Variants in CADM2 observed in about 807,000 individuals in gnomAD.
CADM2 encodes immunoglobulin superfamily member 4D.
CADM2 carries 12 observed loss-of-function variants against 49.8 expected under a neutral mutation model. The ratio of observed to expected loss-of-function variants is 0.24; its 90% CI spans 0.15 to 0.39. The LOEUF is 0.39. CADM2 is among the 10% of genes least tolerant of loss of function. CADM2 has a pLI of 1.00. For synonymous variants in CADM2, 214 were observed against 175.4 expected (o/e 1.22, Z -1.74); for missense variants, 378 against 492.3 (o/e 0.77, Z 2.20).
chr3:85,151,313 G>C (rs2039916385), intron 1 of CADM2, among the ~76,000 whole-genome samples: 1 of 151,894 alleles, frequency 6.6e-6, no homozygotes, highest in Non-Finnish European at 1.5e-5. Context: ...CCTTCTGAAT[G>C]ATTGTGTACT....
intron 1 of CADM2, among the ~76,000 whole-genome samples, chr3:85,000,416 A>G (rs1480311849): frequency 6.6e-6 from 1 of 151,806 alleles, no homozygotes; most frequent in East Asian, 1.9e-4. Flanking sequence ...TTTTAAAGCT[A>G]TAGAGAGCAT....
intron 1 of CADM2, among the ~76,000 whole-genome samples, chr3:85,446,199 G>A (rs1046042630): frequency 9.2e-5 from 14 of 152,116 alleles, no homozygotes; most frequent in African/African-American, 3.4e-4. Flanking sequence ...AAACACAGAA[G>A]AGATTCAGTG....
At chr3:85,079,483 G>A (rs988068834) in intron 1 of CADM2, among the ~76,000 whole-genome samples, 1 of 151,692 alleles carries the variant, frequency 6.6e-6, no homozygotes, top group Non-Finnish European at 1.5e-5. Context: ...TTTTCATAGG[G>A]TTATTAACAA....
chr3:85,180,981 A>G (rs190455082), intron 1 of CADM2, among the ~76,000 whole-genome samples: 10 of 152,306 alleles, frequency 6.6e-5, no homozygotes, highest in Admixed American at 6.5e-4. Flanking sequence ...GGAATTGTTA[A>G]GAGGAAAAAC....
At chr3:85,772,008 CTTTTTTT>C (rs397938377) in intron 2 of CADM2, among the ~76,000 whole-genome samples, 53 of 112,222 alleles carry the variant, frequency 4.7e-4, no homozygotes, top group African/African-American at 1.2e-3. Context: ...TTCTTTCTTT[CTTTTTTT>C]TTTTTTTTTT....
At position 86,072,675 on chromosome 3, in the gene CADM2, A is replaced by G. The variant is rs1703349390; in HGVS notation, c.*5892A>G. The G allele has an allele frequency of 6.6e-6, 1 of 152,024 alleles. No homozygotes were observed. The allele number at this position is 152,024 out of a possible 1,614,324, so 9.4% of individuals were successfully genotyped here. A position where few individuals can be genotyped will look rare whatever the true frequency, so the allele number is the denominator to read the frequency against. On this transcript the variant is annotated 3_prime_UTR_variant, in exon 10 of 10. Coordinates refer to ENST00000383699, the MANE Select transcript of CADM2 (RefSeq NM_001167675.2). ...CTTCAGATGCTTTTTCGTGTACATGATACTAGTAGACACTTTTCTCTTTAT... is the reference window on the plus strand; with the variant it reads ...CTTCAGATGCTTTTTCGTGTACATGGTACTAGTAGACACTTTTCTCTTTAT...
At chr3:85,212,814 CTT>C (rs2041811737) in intron 1 of CADM2, among the ~76,000 whole-genome samples, 4 of 40,732 alleles carry the variant, frequency 9.8e-5, no homozygotes, top group Non-Finnish European at 1.4e-4. Flanking sequence ...TTTTTCTTCT[CTT>C]TCTTTCTTTC....
chr3:85,622,295 C>T, intron 1 of CADM2, among the ~76,000 whole-genome samples: 1 of 152,084 alleles, frequency 6.6e-6, no homozygotes, highest in Non-Finnish European at 1.5e-5. Flanking sequence ...AGTGTTTCCT[C>T]ATGAAATATA....
At chr3:85,593,979 A>G (rs1382697278) in intron 1 of CADM2, among the ~76,000 whole-genome samples, 2 of 152,058 alleles carry the variant, frequency 1.3e-5, no homozygotes, top group East Asian at 3.9e-4. Context: ...TATCAGCTGA[A>G]TATAGTGAGT....
At chr3:85,822,200 G>A (rs12488483) in intron 3 of CADM2, among the ~76,000 whole-genome samples, 28,844 of 152,060 alleles carry the variant, frequency 0.19, 3,081 homozygotes, top group South Asian at 0.31. Flanking sequence ...ATCAGTTATA[G>A]CAGAGAAATG....
At chr3:86,032,628 G>A (rs1015467603) in intron 8 of CADM2, among the ~76,000 whole-genome samples, 3 of 151,694 alleles carry the variant, frequency 2.0e-5, no homozygotes, top group Non-Finnish European at 4.4e-5. Flanking sequence ...ACTTAATGCA[G>A]GTTTATTATT....
At chr3:85,114,594 T>A (rs1346303609) in intron 1 of CADM2, among the ~76,000 whole-genome samples, 1 of 152,164 alleles carries the variant, frequency 6.6e-6, no homozygotes, top group Non-Finnish European at 1.5e-5. Flanking sequence ...CATTGATGAA[T>A]CCAGATATAA....
intron 1 of CADM2, among the ~76,000 whole-genome samples, chr3:85,596,546 C>G (rs1375627395): frequency 2.6e-5 from 4 of 151,952 alleles, no homozygotes; most frequent in Non-Finnish European, 5.9e-5. Flanking sequence ...AAGCATTCAC[C>G]CATGAAACTA....
intron 8 of CADM2, among the ~76,000 whole-genome samples, chr3:86,010,067 T>C (rs1731310973): frequency 6.6e-6 from 1 of 151,914 alleles, no homozygotes; most frequent in South Asian, 2.1e-4. Context: ...CTTCTAATCA[T>C]TTAATTTAAA....
In CADM2 at chr3:85,056,808, A is replaced by G. The variant is rs1292685656; in HGVS notation, c.61+97140A>G. 2.0e-5 allele frequency among the ~76,000 whole-genome samples: 3 copies of G among 152,114 alleles called. No homozygotes were observed. The East Asian group carries it at 5.8e-4, about 29-fold the overall frequency. ...AGTCATAAATGCTTTGGAGGACATTATACTTAGACAGGATAGACTTCATAT... is the reference window on the plus strand; with the variant it reads ...AGTCATAAATGCTTTGGAGGACATTGTACTTAGACAGGATAGACTTCATAT... On this transcript the variant is annotated intron_variant, in intron 1 of 9. Coordinates refer to ENST00000383699, the MANE Select transcript of CADM2 (RefSeq NM_001167675.2).
chr3:85,142,228 T>A (rs941650381), intron 1 of CADM2, among the ~76,000 whole-genome samples: 3 of 152,216 alleles, frequency 2.0e-5, no homozygotes, highest in Non-Finnish European at 4.4e-5. Flanking sequence ...TGGTCTCACA[T>A]TGGAAATAAG....
At chr3:85,349,715 A>G (rs1437457136) in intron 1 of CADM2, among the ~76,000 whole-genome samples, 1 of 152,242 alleles carries the variant, frequency 6.6e-6, no homozygotes, top group Non-Finnish European at 1.5e-5. Context: ...ACAAAGATGA[A>G]TGTTTTGCTT....
intron 5 of CADM2, among the ~76,000 whole-genome samples, chr3:85,895,419 T>C (rs748617719): frequency 2.0e-5 from 3 of 152,226 alleles, no homozygotes; most frequent in Non-Finnish European, 4.4e-5. Flanking sequence ...CCAATAACTA[T>C]ACCCCCATTG....
intron 1 of CADM2, among the ~76,000 whole-genome samples, chr3:85,681,237 T>C (rs963733314): frequency 2.0e-5 from 3 of 152,132 alleles, no homozygotes; most frequent in African/African-American, 7.2e-5. Context: ...GAAGAGAAGA[T>C]GCATCATGAG....
Sources: allele counts gnomAD v4.1 joint callset (sites outside exome capture counted in the v4.1 genomes callset), GRCh38; gene constraint gnomAD v4.1.1; transcripts MANE v1.5; gene names NCBI Gene and HGNC (gene_info 2026-07-23, HGNC 2026-07-21).